The following LINGO2 variants were observed in gnomAD, a reference collection of about 807,000 sequenced individuals.
LINGO2 encodes the protein leucine-rich repeat and immunoglobulin-like domain-containing nogo receptor-interacting protein 2.
Under a neutral mutation model 30.6 loss-of-function variants are expected in LINGO2, and 14 were observed. The ratio of observed to expected loss-of-function variants is 0.46; its 90% CI spans 0.30 to 0.72. The LOEUF (loss-of-function observed/expected upper bound fraction) is 0.72. Among genes scored for constraint, LINGO2 ranks in the 30% least tolerant of loss-of-function variants. The pLI, the probability that LINGO2 is intolerant of heterozygous loss-of-function variation, is 0.07. For synonymous variants in LINGO2, 317 were observed against 288.5 expected, an observed-to-expected ratio of 1.10 and a Z score of -1.00; for missense variants, 729 against 751.7, an observed-to-expected ratio of 0.97 and a Z score of 0.35.
At chr9:28,051,497 C>A (rs1048653631) in intron 4 of LINGO2, among the ~76,000 whole-genome samples, 8 of 142,812 alleles carry the variant, frequency 5.6e-5, no homozygotes, top group African/African-American at 1.2e-4. Flanking sequence ...TATATTTATC[C>A]AAAAAATTTA....
chr9:28,767,705 G>A, the LINGO2 span, among the ~76,000 whole-genome samples: 5 of 143,584 alleles, frequency 3.5e-5, no homozygotes, highest in East Asian at 8.4e-4. Context: ...AGAATGGCGT[G>A]AACCTGGGAG....
At chr9:28,014,964 T>G (rs571662464) in intron 4 of LINGO2, among the ~76,000 whole-genome samples, 1 of 152,114 alleles carries the variant, frequency 6.6e-6, no homozygotes, top group African/African-American at 2.4e-5. Flanking sequence ...CTTCAAAAAC[T>G]AAAGTTTGTA....
At chr9:27,972,959 G>GA (rs199738542) in intron 5 of LINGO2, among the ~76,000 whole-genome samples, 2,142 of 152,178 alleles carry the variant, frequency 0.014, 60 homozygotes, top group African/African-American at 0.05. Flanking sequence ...CAACAAGGCT[G>GA]AAAAAAAGCA....
intron 1 of LINGO2, among the ~76,000 whole-genome samples, chr9:28,602,435 A>G (rs1252490293): frequency 1.3e-5 from 2 of 152,138 alleles, no homozygotes; most frequent in Non-Finnish European, 2.9e-5. Context: ...TCAAAAGCCT[A>G]ATACATTTTC....
intron 3 of LINGO2, among the ~76,000 whole-genome samples, chr9:28,362,347 C>A (rs1196100960): frequency 1.3e-5 from 2 of 151,860 alleles, no homozygotes; most frequent in Non-Finnish European, 2.9e-5. Context: ...TTTGAGAGAA[C>A]CCAGAAGTCA....
chr9:28,788,704 GA>G, the LINGO2 span, among the ~76,000 whole-genome samples: 1 of 152,092 alleles, frequency 6.6e-6, no homozygotes, highest in Admixed American at 6.6e-5. Flanking sequence ...AGTGAAGGTG[GA>G]AGAGCCCCTT....
chr9:28,188,901 C>G (rs78916665), intron 4 of LINGO2, among the ~76,000 whole-genome samples: 10,400 of 152,158 alleles, frequency 0.068, 604 homozygotes, highest in African/African-American at 0.15. Flanking sequence ...ATTTTGTGAA[C>G]ATAATCCATC....
At chr9:28,844,866 G>A in the LINGO2 span, among the ~76,000 whole-genome samples, 3 of 151,880 alleles carry the variant, frequency 2.0e-5, no homozygotes, top group Non-Finnish European at 2.9e-5. Context: ...CTTCAAGGCT[G>A]GTTGAAGCAT....
intron 4 of LINGO2, among the ~76,000 whole-genome samples, chr9:28,245,187 T>C (rs375791218): frequency 4.6e-5 from 7 of 152,010 alleles, no homozygotes; most frequent in East Asian, 1.9e-4. Context: ...TCACACAAAC[T>C]GAACCAATGA....
At chr9:28,977,670 T>C in the LINGO2 span, among the ~76,000 whole-genome samples, 3 of 152,160 alleles carry the variant, frequency 2.0e-5, no homozygotes, top group African/African-American at 4.8e-5. Context: ...ACTGTATACA[T>C]ACATGTAAAA....
At chr9:28,410,796 C>G (rs10968571) in intron 2 of LINGO2, among the ~76,000 whole-genome samples, 24,403 of 152,052 alleles carry the variant, frequency 0.16, 2,618 homozygotes, top group African/African-American at 0.3. Flanking sequence ...TCTTGTAATT[C>G]TGATCATTTT....
chr9:28,678,964 C>T, the LINGO2 span, among the ~76,000 whole-genome samples: 1 of 151,940 alleles, frequency 6.6e-6, no homozygotes, highest in Non-Finnish European at 1.5e-5. Context: ...TACAGATCAG[C>T]GATTTTGGGG....
chr9:28,830,645 T>A, the LINGO2 span, among the ~76,000 whole-genome samples: 1 of 152,224 alleles, frequency 6.6e-6, no homozygotes, highest in African/African-American at 2.4e-5. Context: ...GTAGTAGCTC[T>A]TGTTGGATTT....
At chr9:28,278,821 A>C (rs1041024696) in intron 4 of LINGO2, among the ~76,000 whole-genome samples, 10 of 152,200 alleles carry the variant, frequency 6.6e-5, no homozygotes, top group African/African-American at 2.2e-4. Flanking sequence ...TTATTTAAGA[A>C]ATATATTTTG....
intron 1 of LINGO2, among the ~76,000 whole-genome samples, chr9:28,651,348 G>T (rs926964435): frequency 5.9e-5 from 9 of 152,214 alleles, no homozygotes; most frequent in Non-Finnish European, 8.8e-5. Context: ...GAGTTTAATA[G>T]GCTTAGAAAT....
At chr9:28,045,059 C>T (rs1239722786) in intron 4 of LINGO2, among the ~76,000 whole-genome samples, 1 of 151,938 alleles carries the variant, frequency 6.6e-6, no homozygotes, top group African/African-American at 2.4e-5. Flanking sequence ...AGCCAGTGAA[C>T]CAGTAGAAGT....
the LINGO2 span, among the ~76,000 whole-genome samples, chr9:29,007,688 C>T: frequency 6.6e-6 from 1 of 152,086 alleles, no homozygotes; most frequent in East Asian, 1.9e-4. Flanking sequence ...ATAGAGGATT[C>T]AGTGATATCC....
At chr9:28,192,155 A>ATTT (rs1427306359) in intron 4 of LINGO2, among the ~76,000 whole-genome samples, 19 of 152,172 alleles carry the variant, frequency 1.2e-4, no homozygotes, top group African/African-American at 4.6e-4. Context: ...CAGTCTTCTC[A>ATTT]TTGCTCAAAC....
chr9:28,030,650 G>T (rs561123222), intron 4 of LINGO2, among the ~76,000 whole-genome samples: 1 of 152,280 alleles, frequency 6.6e-6, no homozygotes, highest in South Asian at 2.1e-4. Flanking sequence ...TTGCAGTAAT[G>T]CACCATCCCT....
Sources: gnomAD v4.1 joint callset for allele counts (sites outside exome capture counted in the v4.1 genomes callset) on GRCh38, gnomAD v4.1.1 for gene constraint, MANE v1.5 for transcripts, NCBI Gene and HGNC (gene_info 2026-07-23, HGNC 2026-07-21) for gene names.